Variants in OSBPL9 observed in about 807,000 individuals in gnomAD.
OSBPL9 encodes oxysterol binding protein like 9, also known as oxysterol-binding protein-related protein 9.
OSBPL9 carries 40 observed loss-of-function variants against 106.6 expected under a neutral mutation model. The observed-to-expected ratio is 0.38, with a 90% confidence interval of 0.29 to 0.49. OSBPL9 has a LOEUF of 0.49. Among genes scored for constraint, OSBPL9 ranks in the 20% least tolerant of loss-of-function variants. The pLI is 0.97. For synonymous variants in OSBPL9, 269 were observed against 295.4 expected (o/e 0.91, Z 0.92); for missense variants, 609 against 887.2 (o/e 0.69, Z 3.98).
chr1:51,518,544 G>GA, the OSBPL9 span: 1 of 152,978 alleles, frequency 6.5e-6, no homozygotes, highest in African/African-American at 2.4e-5. Context: ...CAGGAGGGGG[G>GA]AGAGGCTGAA....
intron 1 of OSBPL9, among the ~76,000 whole-genome samples, chr1:51,651,007 C>G (rs1157292854): frequency 6.6e-6 from 1 of 152,124 alleles, no homozygotes; most frequent in African/African-American, 2.4e-5. Flanking sequence ...CAATTCCTAC[C>G]CCCTAAGGTA....
At chr1:51,564,272 T>C in the OSBPL9 span, among the ~76,000 whole-genome samples, 2 of 152,014 alleles carry the variant, frequency 1.3e-5, no homozygotes, top group Admixed American at 6.6e-5. Context: ...CTGGGTTCAC[T>C]ATCATTTTGA....
intron 1 of OSBPL9, among the ~76,000 whole-genome samples, chr1:51,640,285 C>T (rs888453110): frequency 1.3e-5 from 2 of 152,226 alleles, no homozygotes; most frequent in South Asian, 4.1e-4. Context: ...TTATTGATTG[C>T]AGTATATACT....
At chr1:51,745,465 GAA>G in intron 4 of OSBPL9, 69 bp from the exon 5 acceptor site, 1 of 1,554,030 alleles carries the variant, frequency 6.4e-7, no homozygotes. Flanking sequence ...TGTATGAAGG[GAA>G]AAGTATTTTT....
chr1:51,781,967 G>C (rs1557869126), intron 16 of OSBPL9, among the ~76,000 whole-genome samples: 2 of 152,102 alleles, frequency 1.3e-5, no homozygotes, highest in African/African-American at 4.8e-5. Flanking sequence ...AGATGGGGAT[G>C]GGGCTTTCAA....
the OSBPL9 span, chr1:51,519,081 G>T: frequency 1.6e-6 from 1 of 634,054 alleles, no homozygotes; most frequent in Non-Finnish European, 2.4e-6. Context: ...CCGGCCGCCC[G>T]GCCCACAAGC....
chr1:51,745,854 A>T (rs1367299482), intron 5 of OSBPL9, among the ~76,000 whole-genome samples: 1 of 150,342 alleles, frequency 6.7e-6, no homozygotes, highest in African/African-American at 2.5e-5. Context: ...GTCATTAAGA[A>T]AAAAAAGGTA....
intron 3 of OSBPL9, among the ~76,000 whole-genome samples, chr1:51,702,463 T>C (rs1282060429): frequency 6.6e-6 from 1 of 152,238 alleles, no homozygotes; most frequent in East Asian, 1.9e-4. Context: ...GAAGTGTCTG[T>C]TCATATCCTT....
intron 8 of OSBPL9, 36 bp downstream of exon 8, chr1:51,750,231 G>A (rs1375334601): frequency 7.3e-6 from 11 of 1,511,744 alleles, no homozygotes; most frequent in Non-Finnish European, 9.9e-6. Flanking sequence ...CTTTGTGTAT[G>A]GAGTTCAAAA....
At chr1:51,519,958 C>T in the OSBPL9 span, among the ~76,000 whole-genome samples, 1 of 152,192 alleles carries the variant, frequency 6.6e-6, no homozygotes, top group Non-Finnish European at 1.5e-5. Context: ...AACAAGGGAA[C>T]GCTGGTGCCT....
rs1649323512 is a variant in OSBPL9 at position 51,669,429 on chromosome 1, C to T, written c.163-5C>T. 1.2e-6 allele frequency: 2 copies of T among 1,613,148 alleles called. No individual in the cohort carries two copies. The highest frequency in any genetic ancestry group is 2.7e-5 in the African/African-American group (2 of 74,872). Reference sequence around the variant, plus strand: ...CTTATTGGGATTTTGCTCTTTGTTTCACAGGGAGCTGTGATTGGTATAGAC... The same window carrying T: ...CTTATTGGGATTTTGCTCTTTGTTTTACAGGGAGCTGTGATTGGTATAGAC... On this transcript the variant is annotated splice_region_variant and splice_polypyrimidine_tract_variant and intron_variant, in intron 2 of 23. Coordinates refer to ENST00000428468, the MANE Select transcript of OSBPL9 (RefSeq NM_024586.6).
chr1:51,712,908 G>A (rs961142696), intron 3 of OSBPL9, among the ~76,000 whole-genome samples: 4 of 152,126 alleles, frequency 2.6e-5, no homozygotes, highest in South Asian at 2.1e-4. Flanking sequence ...GATGCCTGGC[G>A]TCACTAAAAA....
At chr1:51,659,161 G>T (rs1192555219) in intron 2 of OSBPL9, among the ~76,000 whole-genome samples, 1 of 152,020 alleles carries the variant, frequency 6.6e-6, no homozygotes, top group African/African-American at 2.4e-5. Context: ...ATTAATATCA[G>T]ACATAGAATA....
At chr1:51,680,600 G>A (rs1652324965) in intron 3 of OSBPL9, among the ~76,000 whole-genome samples, 1 of 152,016 alleles carries the variant, frequency 6.6e-6, no homozygotes, top group Non-Finnish European at 1.5e-5. Flanking sequence ...GGCGGAGGTT[G>A]CAGTGAGCTG....
At chr1:51,643,220 C>T (rs1001359202) in intron 1 of OSBPL9, among the ~76,000 whole-genome samples, 5 of 151,930 alleles carry the variant, frequency 3.3e-5, no homozygotes, top group East Asian at 1.9e-4. Context: ...TTCATGAGGA[C>T]GGAGGGATTA....
In OSBPL9 at chr1:51,652,060, T is replaced by G; in HGVS notation, c.162+19T>G. On this transcript the variant is annotated intron_variant, in intron 2 of 23. Coordinates refer to ENST00000428468, the MANE Select transcript of OSBPL9 (RefSeq NM_024586.6). ...ACTCAGAGTGAGTATTTATTCATTT[T>G]TATGAAAATCAATTTTGACAGAAGA... 6.4e-7 allele frequency: 1 copy of G among 1,571,248 alleles called. No homozygotes were observed. The highest frequency in any genetic ancestry group is 1.2e-5 in the South Asian group (1 of 85,982).
At position 51,600,366 on chromosome 1, in the gene OSBPL9, T is replaced by C. The variant is rs1048182565; in HGVS notation, c.-353+2173T>C. Among the ~76,000 whole-genome samples, 6 of 152,184 alleles carry C rather than the reference T, an allele frequency of 3.9e-5. No homozygotes were observed. In the South Asian group the frequency reaches 8.3e-4, roughly 21 times the overall value. On this transcript the variant is annotated intron_variant, in intron 2 of 25. Coordinates refer to the OSBPL9 transcript ENST00000371714. ...TACCAACTGCGTGATCCTGAGTTCA[T>C]TGAGGCCATATCATGATTTTTGTGG... is the stretch of plus-strand genomic sequence containing the variant.
Position 51,600,677 on chromosome 1 carries a change from C to T in OSBPL9, c.-353+2484C>T, listed in dbSNP as rs192579681. ...TATTAACCTCATCTAGTTCTCATTTCCCTCTTTGTAAAATTTTGGTCTTGA... is the reference window on the plus strand; with the variant it reads ...TATTAACCTCATCTAGTTCTCATTTTCCTCTTTGTAAAATTTTGGTCTTGA... On this transcript the variant is annotated intron_variant, in intron 2 of 25. Transcript: ENST00000371714. 1.8e-3 allele frequency among the ~76,000 whole-genome samples: 270 copies of T among 152,192 alleles called. 2 individuals are homozygous for T. Among genetic ancestry groups the T allele is most frequent in the African/African-American group, 6.2e-3 (258 of 41,528 alleles).
At chr1:51,783,320 A>C (rs1024692193) in intron 17 of OSBPL9, among the ~76,000 whole-genome samples, 1 of 150,178 alleles carries the variant, frequency 6.7e-6, no homozygotes, top group South Asian at 2.1e-4. Context: ...GACTATGGAC[A>C]TGTGCCACCA....
Sources: allele counts gnomAD v4.1 joint callset (sites outside exome capture counted in the v4.1 genomes callset), GRCh38; gene constraint gnomAD v4.1.1; transcripts MANE v1.5; gene names NCBI Gene and HGNC (gene_info 2026-07-23, HGNC 2026-07-21).